The following TOGARAM1 variants were observed in gnomAD, a reference collection of about 807,000 sequenced individuals.
The protein encoded by TOGARAM1 is TOG array regulator of axonemal microtubules 1.
TOGARAM1 carries 100 observed loss-of-function variants against 166.6 expected under a neutral mutation model. That is an observed-to-expected ratio of 0.60 (90% confidence interval 0.51 to 0.71). The LOEUF (loss-of-function observed/expected upper bound fraction) is 0.71. Among genes scored for constraint, TOGARAM1 ranks in the 30% least tolerant of loss-of-function variants. The probability of loss-of-function intolerance (pLI) is 0.00; values close to 1 mark genes in which losing one functional copy is unlikely to be tolerated. For missense variants in TOGARAM1, 2,029 were observed against 2,102.7 expected, an observed-to-expected ratio of 0.96 and a Z score of 0.69; for synonymous variants, 758 against 763.8, an observed-to-expected ratio of 0.99 and a Z score of 0.13.
At chr14:45,065,919 TA>T (rs1391593912) in intron 16 of TOGARAM1, among the ~76,000 whole-genome samples, 5 of 152,310 alleles carry the variant, frequency 3.3e-5, no homozygotes, top group African/African-American at 9.6e-5. Context: ...CTGCTATCCC[TA>T]AAAAAGGCTG....
rs1368139841 is a variant in TOGARAM1, at chr14:45,071,779, C to A, written c.5037C>A (p.Asp1679Glu). 1 of 1,611,306 alleles carries A rather than the reference C, an allele frequency of 6.2e-7. No homozygotes were observed. Among genetic ancestry groups the A allele is most frequent in the Non-Finnish European group, 8.5e-7 (1 of 1,179,156 alleles). ...TTTTAAATGGAAAAGCAAAACAGGACATGACGGAAAAGCTTGCTGGTAAAT... is the reference window on the plus strand; with the variant it reads ...TTTTAAATGGAAAAGCAAAACAGGAAATGACGGAAAAGCTTGCTGGTAAAT... ...AQFLNGKAKQ[D>E]MTEKLADIVT... The change falls in exon 19 of 20, where the codon GAC becomes GAA. Residue 1679 changes from aspartate (D) to glutamate (E), a missense_variant. Physicochemically the swap from Asp to Glu is conservative, Grantham distance 45. Transcript: ENST00000361462.
intron 16 of TOGARAM1, among the ~76,000 whole-genome samples, chr14:45,059,303 A>G (rs1485341327): frequency 2.0e-5 from 3 of 152,078 alleles, no homozygotes; most frequent in Non-Finnish European, 4.4e-5. Context: ...TTAGCTTTCC[A>G]AACTGCTGAG....
At chr14:45,011,906 A>G in intron 6 of TOGARAM1, 69 bp from the exon 7 acceptor site, 1 of 1,060,308 alleles carries the variant, frequency 9.4e-7, no homozygotes, top group Non-Finnish European at 1.4e-6. Context: ...GAGAATAGAC[A>G]ATATGTGATG....
intron 3 of TOGARAM1, among the ~76,000 whole-genome samples, chr14:45,001,429 T>C (rs1566623202): frequency 6.6e-6 from 1 of 152,216 alleles, no homozygotes; most frequent in Non-Finnish European, 1.5e-5. Context: ...AAAAAGCTTC[T>C]GCATGGCAAA....
chr14:45,038,007 GACTCCATCTCAAAAA>G (rs1410337952), intron 11 of TOGARAM1, among the ~76,000 whole-genome samples: 1 of 151,878 alleles, frequency 6.6e-6, no homozygotes, highest in African/African-American at 2.4e-5. Flanking sequence ...GACAGAGCGA[GACTCCATCTCAAAAA>G]AAAAGAAAAA....
At position 45,025,769 on chromosome 14, in the gene TOGARAM1, TG is replaced by T; in HGVS notation, c.3239-9del. The T allele has an allele frequency of 6.6e-7, 1 of 1,518,398 alleles. No homozygotes were observed. Among genetic ancestry groups the T allele is most frequent in the Non-Finnish European group, 9.1e-7 (1 of 1,096,282 alleles). 94.1% of individuals were successfully genotyped at this position (1,518,398 alleles called of 1,614,324 possible). A position where few individuals can be genotyped will look rare whatever the true frequency, so the allele number is the denominator to read the frequency against. ...ATGTTTAAGTATTTGTTTTGTTTTTTGGGGGATTTACAGGGTCATCATCAAA... is the reference window on the plus strand; with the variant it reads ...ATGTTTAAGTATTTGTTTTGTTTTTTGGGGATTTACAGGGTCATCATCAAA... On this transcript the variant is annotated splice_polypyrimidine_tract_variant and intron_variant, in intron 7 of 19. Transcript: ENST00000361462.
Position 44,963,239 on chromosome 14 carries a change from C to G in TOGARAM1, c.818C>G (p.Ser273Cys), listed in dbSNP as rs778355251. 2 of 1,614,082 alleles carry G rather than the reference C, an allele frequency of 1.2e-6. No individual in the cohort carries two copies. Among genetic ancestry groups the G allele is most frequent in the African/African-American group, 2.7e-5 (2 of 74,922 alleles). Residue 273 changes from serine to cysteine, a missense_variant, in exon 1 of 20, where the codon TCT becomes TGT. Coordinates refer to ENST00000361462, the MANE Select transcript of TOGARAM1 (RefSeq NM_001308120.2). ...KLGDQETEEE[S>C]ETAFSALQQI... ...GGTGATCAGGAGACAGAAGAAGAAT[C>G]TGAGACAGCTTTCTCCGCACTTCAA...
Position 45,009,088 on chromosome 14 carries a change from A to C in TOGARAM1, c.3080A>C (p.Tyr1027Ser), listed in dbSNP as rs775079052. 1 of 1,614,138 alleles carries C rather than the reference A, an allele frequency of 6.2e-7. No homozygotes were observed. Among genetic ancestry groups the C allele is most frequent in the Non-Finnish European group, 8.5e-7 (1 of 1,180,000 alleles). Reference sequence around the variant, plus strand: ...AATTCTTACAGTGAAAGTGGAGTTTACAGCCAAGAATCATTGACTTCTTCT... The same window carrying C: ...AATTCTTACAGTGAAAGTGGAGTTTCCAGCCAAGAATCATTGACTTCTTCT... ...NINSYSESGV[Y>S]SQESLTSSLS... The change falls in exon 6 of 20, where the codon TAC becomes TCC. Residue 1027 changes from tyrosine (Y) to serine (S), a missense_variant. By Grantham distance (144) the Tyr-to-Ser change is moderately radical. This residue lies in a region of TOGARAM1 where 1,453 missense variants were observed against 1,432.2 expected (regional missense o/e 1.01). Transcript: ENST00000361462.
Position 44,963,746 on chromosome 14 carries a change from A to C in TOGARAM1, c.1325A>C (p.Lys442Thr), listed in dbSNP as rs758160687. 1 of 1,613,878 alleles carries C rather than the reference A, an allele frequency of 6.2e-7. No individual in the cohort carries two copies. Among genetic ancestry groups the C allele is most frequent in the South Asian group, 1.1e-5 (1 of 91,058 alleles). Reference protein sequence around the residue: ...FLGPVIAASVKVLADNKLVIK... With the variant: ...FLGPVIAASVTVLADNKLVIK... ...GGACCAGTTATAGCAGCTTCTGTCA[A>C]AGTGCTGGCGGACAACAAGTTGGTG... The change falls in exon 1 of 20, where the codon AAA becomes ACA. Residue 442 changes from lysine (K) to threonine (T), a missense_variant. Lys to Thr is a moderately conservative substitution (Grantham distance 78). Coordinates refer to ENST00000361462, the MANE Select transcript of TOGARAM1 (RefSeq NM_001308120.2).
intron 4 of TOGARAM1, among the ~76,000 whole-genome samples, chr14:45,004,807 A>G (rs2138840599): frequency 6.6e-6 from 1 of 152,296 alleles, no homozygotes; most frequent in Non-Finnish European, 1.5e-5. Context: ...TTGAGAGCCT[A>G]CTAACAAATT....
chr14:44,981,310 G>C (rs945847840), intron 1 of TOGARAM1, among the ~76,000 whole-genome samples: 1 of 152,126 alleles, frequency 6.6e-6, no homozygotes, highest in Non-Finnish European at 1.5e-5. Context: ...TACAGAACGA[G>C]AGAGAGAGGG....
At chr14:44,996,343 A>C (rs1430432322) in intron 2 of TOGARAM1, 2 of 152,436 alleles carry the variant, frequency 1.3e-5, no homozygotes, top group Non-Finnish European at 2.9e-5. Context: ...GGAGAAGAGA[A>C]TAAATAGTTT....
intron 16 of TOGARAM1, among the ~76,000 whole-genome samples, chr14:45,056,735 A>G (rs1160073503): frequency 6.6e-6 from 1 of 151,718 alleles, no homozygotes; most frequent in Non-Finnish European, 1.5e-5. Flanking sequence ...CTGATATTTT[A>G]TCTTTTTGAC....
rs1391579652 is a variant in TOGARAM1, at chr14:45,028,265, AAAG to A, written c.3598_3600del (p.Lys1200del). On this transcript the variant is annotated inframe_deletion, in exon 10 of 20. Transcript: ENST00000361462. The stretch of plus-strand genomic sequence containing the variant: ...AACTGTTTCACAATAAAGATTGTGA[AAAG>A]AAGGAAAAAAATTCCTGGGAACGAA... The A allele has an allele frequency of 2.5e-6, 4 of 1,606,408 alleles. No individual in the cohort carries two copies. Among genetic ancestry groups the A allele is most frequent in the Non-Finnish European group, 3.4e-6 (4 of 1,178,252 alleles).
At chr14:44,979,554 A>G (rs534547117) in intron 1 of TOGARAM1, among the ~76,000 whole-genome samples, 1 of 152,316 alleles carries the variant, frequency 6.6e-6, no homozygotes, top group East Asian at 1.9e-4. Flanking sequence ...ACTTATTCAG[A>G]CTATTGCAGC....
chr14:45,045,579 ATATATGTGTGTGTGTGTGTGTG>A (rs1203614604), intron 13 of TOGARAM1, among the ~76,000 whole-genome samples: 3 of 34,986 alleles, frequency 8.6e-5, no homozygotes, highest in African/African-American at 6.5e-4. Context: ...ATATATATAT[ATATATGTGTGTGTGTGTGTGTG>A]TGTGTGTGTG....
rs752917048 is a variant in TOGARAM1, at chr14:45,025,736, A to C, written c.3239-47A>C. On this transcript the variant is annotated intron_variant, in intron 7 of 19. Transcript: ENST00000361462. ...ACAATATCCTAAGATACTACATAAT[A>C]AGCAAATATGTTTAAGTATTTGTTT... The C allele has an allele frequency of 6.6e-6, 7 of 1,056,144 alleles. No individual in the cohort carries two copies. In the African/African-American group the frequency reaches 1.1e-4, roughly 17 times the overall value. 65.4% of individuals were successfully genotyped at this position (1,056,144 alleles called of 1,614,324 possible).
intron 16 of TOGARAM1, among the ~76,000 whole-genome samples, chr14:45,054,914 G>A (rs1346168692): frequency 6.6e-6 from 1 of 151,980 alleles, no homozygotes. Context: ...GAAAATGAAA[G>A]CATTACAAGG....
intron 10 of TOGARAM1, among the ~76,000 whole-genome samples, chr14:45,030,276 AAT>A (rs1160941667): frequency 6.6e-6 from 1 of 152,196 alleles, no homozygotes; most frequent in African/African-American, 2.4e-5. Context: ...CAAGGTTGAA[AAT>A]TTGGTGTTTA....
Sources: gnomAD v4.1 joint callset for allele counts (sites outside exome capture counted in the v4.1 genomes callset) on GRCh38, gnomAD v4.1.1 for gene constraint, gnomAD v4.1.1 regional missense constraint, MANE v1.5 for transcripts, NCBI Gene and HGNC (gene_info 2026-07-23, HGNC 2026-07-21) for gene names.